Variants in GLDC observed in about 807,000 individuals in gnomAD.
The protein encoded by GLDC is glycine decarboxylase, also known as glycine dehydrogenase (decarboxylating), mitochondrial.
A neutral mutation model predicts 121.3 loss-of-function variants in GLDC; 104 were observed. That is an observed-to-expected ratio of 0.86 (90% confidence interval 0.73 to 1.01). GLDC has a LOEUF of 1.01. Among genes scored for constraint, GLDC ranks in the 50% least tolerant of loss-of-function variants. GLDC has a pLI of 0.00. For synonymous variants in GLDC, 546 were observed against 480.6 expected, an observed-to-expected ratio of 1.14 and a Z score of -1.78; for missense variants, 1,429 against 1,306.6, an observed-to-expected ratio of 1.09 and a Z score of -1.44.
chr9:6,606,477 C>CA (rs1182001883), intron 5 of GLDC, 115 bp downstream of exon 5: 5 of 793,838 alleles, frequency 6.3e-6, no homozygotes, highest in Non-Finnish European at 9.1e-6. Flanking sequence ...ATTTAAACAG[C>CA]AAAAAACCCT....
intron 16 of GLDC, among the ~76,000 whole-genome samples, chr9:6,562,560 TA>T (rs1324871062): frequency 1.3e-5 from 2 of 152,080 alleles, no homozygotes; most frequent in East Asian, 1.9e-4. Flanking sequence ...TGGCTTTAAT[TA>T]AAAAAAATTT....
chr9:6,549,695 T>A (rs1405688377), intron 21 of GLDC, among the ~76,000 whole-genome samples: 1 of 151,966 alleles, frequency 6.6e-6, no homozygotes, highest in Non-Finnish European at 1.5e-5. Context: ...ACTTCCAGGG[T>A]GACTTTGTTC....
At chr9:6,608,337 A>G (rs1452291161) in intron 4 of GLDC, among the ~76,000 whole-genome samples, 12 of 139,810 alleles carry the variant, frequency 8.6e-5, no homozygotes, top group East Asian at 4.4e-4. Flanking sequence ...CAGGAGAATG[A>G]CGTGAACCCA....
chr9:6,580,651 C>A (rs924774920), intron 15 of GLDC, among the ~76,000 whole-genome samples: 1 of 152,166 alleles, frequency 6.6e-6, no homozygotes, highest in African/African-American at 2.4e-5. Context: ...TGTCTCCTTG[C>A]GGGCTGGTTT....
intron 15 of GLDC, among the ~76,000 whole-genome samples, chr9:6,568,010 C>T (rs1453867893): frequency 1.3e-5 from 2 of 152,172 alleles, no homozygotes; most frequent in East Asian, 3.8e-4. Context: ...CAGTAAGGAA[C>T]CTCAAGAAAA....
At chr9:6,622,782 C>G (rs1308704407) in intron 2 of GLDC, 13 of 229,394 alleles carry the variant, frequency 5.7e-5, no homozygotes, top group Middle Eastern at 1.7e-3. Flanking sequence ...GCCGCCATCC[C>G]ACCTAGGAAG....
At chr9:6,558,788 C>T (rs1339640744) in intron 16 of GLDC, 104 bp from the exon 17 acceptor site, 1 of 1,212,476 alleles carries the variant, frequency 8.2e-7, no homozygotes, top group African/African-American at 1.5e-5. Flanking sequence ...TAGACACCAC[C>T]TGTTTTTATT....
rs1554647023 is a variant in GLDC, at chr9:6,592,974, C to T, written c.1278G>A (p.Gly426=). The change falls in exon 10 of 25, where the codon GGG becomes GGA. Residue 426 remains glycine (G), a synonymous_variant. Coordinates refer to ENST00000321612, the MANE Select transcript of GLDC (RefSeq NM_000170.3). ...AGAACAGGTCATGCTGGAGTTGATG[C>T]CCTGCTCGCTTGAGACCTACACAAG... ...LILSEGLKRA[G]HQLQHDLFFD... 6.2e-7 allele frequency: 1 copy of T among 1,611,612 alleles called. No individual in the cohort carries two copies. The highest frequency in any genetic ancestry group is 8.5e-7 in the Non-Finnish European group (1 of 1,179,158).
At chr9:6,534,637 A>G in intron 24 of GLDC, 71 bp downstream of exon 24, 1 of 790,602 alleles carries the variant, frequency 1.3e-6, no homozygotes, top group East Asian at 2.5e-5. Context: ...TGAGGCTAAG[A>G]GCGTACACCC....
chr9:6,593,500 C>T (rs576537188), intron 9 of GLDC, among the ~76,000 whole-genome samples: 110 of 151,842 alleles, frequency 7.2e-4, no homozygotes, highest in Middle Eastern at 3.4e-3. Flanking sequence ...AGTGATCTTG[C>T]CATGTTGCCC....
intron 3 of GLDC, among the ~76,000 whole-genome samples, chr9:6,612,777 G>T (rs1021899841): frequency 6.6e-6 from 1 of 152,146 alleles, no homozygotes; most frequent in African/African-American, 2.4e-5. Context: ...CAGAAGAATC[G>T]CTTGAAACCA....
At chr9:6,612,776 C>T (rs1373723450) in intron 3 of GLDC, among the ~76,000 whole-genome samples, 1 of 152,074 alleles carries the variant, frequency 6.6e-6, no homozygotes, top group African/African-American at 2.4e-5. Flanking sequence ...GCAGAAGAAT[C>T]GCTTGAAACC....
At chr9:6,623,699 G>A (rs1192271389) in intron 2 of GLDC, among the ~76,000 whole-genome samples, 1 of 152,132 alleles carries the variant, frequency 6.6e-6, no homozygotes, top group Non-Finnish European at 1.5e-5. Context: ...AGTTTCATGA[G>A]TAATATAATC....
chr9:6,580,399 G>A (rs934400897), intron 15 of GLDC, among the ~76,000 whole-genome samples: 14 of 152,124 alleles, frequency 9.2e-5, no homozygotes, highest in Admixed American at 8.5e-4. Context: ...CAGGGATTCC[G>A]CCCCTCGGAA....
intron 17 of GLDC, chr9:6,558,321 G>C: frequency 1.6e-6 from 1 of 627,100 alleles, no homozygotes; most frequent in Non-Finnish European, 2.8e-6. Context: ...GTTCTGCAAG[G>C]AGTACTCTTA....
At chr9:6,535,828 A>T in intron 23 of GLDC, 1 of 548,136 alleles carries the variant, frequency 1.8e-6, no homozygotes, top group Non-Finnish European at 3.3e-6. Flanking sequence ...AATGTTACAA[A>T]TTCTCCAACT....
rs559915729 is a variant in GLDC at position 6,576,435 on chromosome 9, C to T, written c.1850+10706G>A. Among the ~76,000 whole-genome samples, 12 of 152,162 alleles carry T rather than the reference C, an allele frequency of 7.9e-5. No individual in the cohort carries two copies. In the South Asian group the frequency reaches 2.3e-3, roughly 29 times the overall value. ...CTGCCAAAGCTCCCACCTCCTAATG[C>T]CGTCACCTTGGAGTTATAATTTATT... On this transcript the variant is annotated intron_variant, in intron 15 of 24. Transcript: ENST00000321612.
intron 15 of GLDC, among the ~76,000 whole-genome samples, chr9:6,573,901 A>G (rs1304085469): frequency 1.3e-5 from 2 of 152,146 alleles, no homozygotes; most frequent in Non-Finnish European, 1.5e-5. Context: ...TAACAGTACA[A>G]ATACCTTGCA....
chr9:6,606,579 T>C lies in GLDC; in HGVS notation c.713+13A>G, dbSNP rs769075894. On this transcript the variant is annotated intron_variant, in intron 5 of 24. Coordinates refer to ENST00000321612, the MANE Select transcript of GLDC (RefSeq NM_000170.3). Reference sequence around the variant, plus strand: ...CATTATACTGAGTTTAAAACACGAATCAAATTAATTACTTGGCTCGAGTCT... The same window carrying C: ...CATTATACTGAGTTTAAAACACGAACCAAATTAATTACTTGGCTCGAGTCT... 6.7e-6 allele frequency: 10 copies of C among 1,496,308 alleles called. No individual in the cohort carries two copies. The highest frequency in any genetic ancestry group is 8.4e-6 in the Non-Finnish European group (9 of 1,072,894). 92.7% of individuals were successfully genotyped at this position (1,496,308 alleles called of 1,614,324 possible).
Sources: gnomAD v4.1 joint callset for allele counts (sites outside exome capture counted in the v4.1 genomes callset) on GRCh38, gnomAD v4.1.1 for gene constraint, MANE v1.5 for transcripts, NCBI Gene and HGNC (gene_info 2026-07-23, HGNC 2026-07-21) for gene names.